MIA2: variants seen among roughly 807,000 people sequenced by gnomAD.
MIA2 encodes MIA SH3 domain ER export factor 2, also known as melanoma inhibitory activity protein 2.
A neutral mutation model predicts 167.8 loss-of-function variants in MIA2; 127 were observed. The ratio of observed to expected loss-of-function variants is 0.76; its 90% CI spans 0.66 to 0.88. MIA2 has a LOEUF of 0.88. Among genes scored for constraint, MIA2 ranks in the 40% least tolerant of loss-of-function variants. The pLI is 0.00. For synonymous variants in MIA2, 552 were observed against 541.9 expected (o/e 1.02, Z -0.26); for missense variants, 1,690 against 1,624.7 (o/e 1.04, Z -0.69).
chr14:39,282,238 A>C (rs2059058335), intron 9 of MIA2, among the ~76,000 whole-genome samples: 1 of 152,188 alleles, frequency 6.6e-6, no homozygotes, highest in Non-Finnish European at 1.5e-5. Flanking sequence ...GAAATTTCAG[A>C]TAACTTTATG....
chr14:39,267,415 A>C (rs1207200041), intron 6 of MIA2: 1 of 1,608,640 alleles, frequency 6.2e-7, no homozygotes, highest in Admixed American at 1.7e-5. Context: ...TGTGGCCCCG[A>C]CAGGCCGGGG....
At chr14:39,327,158 A>G in intron 25 of MIA2, 136 bp downstream of exon 25, 1 of 570,400 alleles carries the variant, frequency 1.8e-6, no homozygotes, top group Non-Finnish European at 2.7e-6. Flanking sequence ...AACAACAATG[A>G]TAAATAATCT....
rs1158407109 is a variant in MIA2, at chr14:39,315,693, A to C, written c.3191A>C (p.His1064Pro). The change falls in exon 21 of 29, where the codon CAT (histidine) becomes CCT (proline). Residue 1064 changes from histidine to proline, a missense_variant. Physicochemically the swap from His to Pro is moderately conservative, Grantham distance 77. Transcript: ENST00000640607. The stretch of plus-strand genomic sequence containing the variant: ...TACTTTCTTTTTCAGATTATTTCCC[A>C]TGAGAAAAAAGCACATGATAATTGG... ...IHSYQGQIIS[H>P]EKKAHDNWLA... 6.4e-7 allele frequency: 1 copy of C among 1,555,454 alleles called. No homozygotes were observed. Among genetic ancestry groups the C allele is most frequent in the African/African-American group, 1.4e-5 (1 of 73,238 alleles).
At position 39,324,109 on chromosome 14, in the gene MIA2, A is replaced by G. The variant is rs79635822; in HGVS notation, c.3497-2755A>G. 6.4e-3 allele frequency among the ~76,000 whole-genome samples: 977 copies of G among 152,362 alleles called. 11 individuals carry two copies. Among genetic ancestry groups the G allele is most frequent in the African/African-American group, 0.022 (900 of 41,584 alleles). On this transcript the variant is annotated intron_variant, in intron 24 of 28. Transcript: ENST00000640607. ...ACAATTTCTTCTTAGAGTAAATTGT[A>G]TGTAACTGGGTTTGAATAGAAAACT...
intron 14 of MIA2, among the ~76,000 whole-genome samples, chr14:39,301,039 TAC>T (rs58641218): frequency 0.016 from 2,270 of 145,198 alleles, 39 homozygotes; most frequent in Middle Eastern, 0.063. Context: ...TACATATACA[TAC>T]ACACACACAC....
In MIA2 at chr14:39,348,944, G is replaced by A. The variant is rs866204560; in HGVS notation, c.4039G>A (p.Asp1347Asn). ...TTCTCGAGATTATTTTCCACCAGGG[G>A]ATTTCCCAGGTCCACCACCTGCTCC... ...GASRDYFPPG[D>N]FPGPPPAPFA... The change falls in exon 28 of 29, where the codon GAT (aspartate) becomes AAT (asparagine). Residue 1347 changes from aspartate to asparagine, a missense_variant. Coordinates refer to ENST00000640607, the MANE Select transcript of MIA2 (RefSeq NM_001329214.4). 1 of 1,613,924 alleles carries A rather than the reference G, an allele frequency of 6.2e-7. No individual in the cohort carries two copies. The highest frequency in any genetic ancestry group is 1.7e-4 in the Middle Eastern group (1 of 6,040).
intron 12 of MIA2, 34 bp downstream of exon 12, chr14:39,294,105 T>C: frequency 6.9e-7 from 1 of 1,440,978 alleles, no homozygotes; most frequent in Non-Finnish European, 9.6e-7. Flanking sequence ...TCTGTTGCTT[T>C]TGGAAATAAT....
Position 39,368,338 on chromosome 14 carries a change from G to A in MIA2, c.2249-18547G>A, listed in dbSNP as rs80050625. The stretch of plus-strand genomic sequence containing the variant: ...CTGAGAAAGTCTCAGGCAGGGCAGT[G>A]GCAATTCCCAGGGTAAAAATTGCCT... On this transcript the variant is annotated intron_variant, in intron 23 of 23. Coordinates refer to the MIA2 transcript ENST00000341502. 3.8e-3 allele frequency among the ~76,000 whole-genome samples: 585 copies of A among 152,290 alleles called. 4 individuals are homozygous for A. Among genetic ancestry groups the A allele is most frequent in the Non-Finnish European group, 6.4e-3 (438 of 68,030 alleles).
At chr14:39,296,912 A>G (rs2061504756) in intron 13 of MIA2, among the ~76,000 whole-genome samples, 1 of 151,490 alleles carries the variant, frequency 6.6e-6, no homozygotes, top group Non-Finnish European at 1.5e-5. Flanking sequence ...AGTAGCTGGG[A>G]TTATAGGTGT....
chr14:39,331,963 T>G (rs1323299814), intron 25 of MIA2, among the ~76,000 whole-genome samples: 1 of 151,852 alleles, frequency 6.6e-6, no homozygotes, highest in Non-Finnish European at 1.5e-5. Flanking sequence ...TGTCTTTGTA[T>G]TTCGTGAATT....
intron 6 of MIA2, chr14:39,267,413 C>T: frequency 1.2e-6 from 2 of 1,608,962 alleles, no homozygotes; most frequent in Non-Finnish European, 1.7e-6. Flanking sequence ...ATTGTGGCCC[C>T]GACAGGCCGG....
Position 39,237,052 on chromosome 14 carries a change from A to G in MIA2, c.246A>G (p.Gly82=). ...GAGAAAGGGAAGATTTGTGGGCAGG[A>G]AGTGTAAGTAACTACTTTTAAAAAT... ...LAGEREDLWA[G]SKGKEFGYFP... is the part of the protein sequence containing the mutation. Residue 82 remains glycine, a synonymous_variant, in exon 2 of 29, where the codon GGA becomes GGG. Coordinates refer to ENST00000640607, the MANE Select transcript of MIA2 (RefSeq NM_001329214.4). 1.2e-6 allele frequency: 2 copies of G among 1,612,308 alleles called. No individual in the cohort carries two copies. Among genetic ancestry groups the G allele is most frequent in the Non-Finnish European group, 1.7e-6 (2 of 1,179,546 alleles).
chr14:39,277,776 ATATATT>A (rs746940520), intron 7 of MIA2, among the ~76,000 whole-genome samples: 15 of 35,738 alleles, frequency 4.2e-4, no homozygotes, highest in South Asian at 1.2e-3. Flanking sequence ...ATATATATAT[ATATATT>A]TATATTTAAA....
intron 6 of MIA2, among the ~76,000 whole-genome samples, chr14:39,274,315 T>A (rs993677037): frequency 3.9e-5 from 6 of 152,176 alleles, no homozygotes; most frequent in Non-Finnish European, 7.3e-5. Context: ...TAGGGTGTTA[T>A]GTTGTAGATA....
intron 24 of MIA2, among the ~76,000 whole-genome samples, chr14:39,321,883 C>T (rs181290761): frequency 7.1e-4 from 108 of 151,932 alleles, no homozygotes; most frequent in Non-Finnish European, 1.1e-3. Context: ...GCCTCAGCCT[C>T]CTGAGTAGCT....
Position 39,376,849 on chromosome 14 carries a change from C to T in MIA2, c.2249-10036C>T, listed in dbSNP as rs547555734. Among the ~76,000 whole-genome samples the T allele has an allele frequency of 7.9e-5, 12 of 152,252 alleles. No individual in the cohort carries two copies. In the South Asian group the frequency reaches 2.3e-3, roughly 29 times the overall value. ...ATAGGGGAATAGTGAATTATGTATT[C>T]GTCTTATGCTCAGTAAATCTGTGCT... is the stretch of plus-strand genomic sequence containing the variant. On this transcript the variant is annotated intron_variant, in intron 23 of 23. Coordinates refer to the MIA2 transcript ENST00000341502.
At chr14:39,264,858 C>T (rs947292077) in intron 6 of MIA2, among the ~76,000 whole-genome samples, 10 of 152,116 alleles carry the variant, frequency 6.6e-5, no homozygotes, top group African/African-American at 2.2e-4. Context: ...AGCATGTTTC[C>T]GATGTTCTTG....
chr14:39,243,653 G>T (rs1439909446), intron 3 of MIA2, among the ~76,000 whole-genome samples: 2 of 152,168 alleles, frequency 1.3e-5, no homozygotes. Context: ...ATCATCTGAG[G>T]TCAGGAGTTT....
At chr14:39,262,846 G>T (rs2055190516) in intron 6 of MIA2, among the ~76,000 whole-genome samples, 1 of 152,104 alleles carries the variant, frequency 6.6e-6, no homozygotes, top group Non-Finnish European at 1.5e-5. Context: ...GAATGCTTGT[G>T]ATTTTTGCAC....
Sources: gnomAD v4.1 joint callset for allele counts (sites outside exome capture counted in the v4.1 genomes callset) on GRCh38, gnomAD v4.1.1 for gene constraint, MANE v1.5 for transcripts, NCBI Gene and HGNC (gene_info 2026-07-23, HGNC 2026-07-21) for gene names.